The following PPFIA1 variants were observed in gnomAD, a reference collection of about 807,000 sequenced individuals.
PPFIA1 encodes PPFI scaffold protein A1, also known as liprin-alpha-1.
Under a neutral mutation model 149.9 loss-of-function variants are expected in PPFIA1, and 25 were observed. That is an observed-to-expected ratio of 0.17 (90% CI 0.12 to 0.23). PPFIA1 has a LOEUF of 0.23. Ranked by LOEUF, PPFIA1 falls within the 10% of genes least tolerant of loss-of-function variation. PPFIA1 has a pLI of 1.00. For missense variants in PPFIA1, 1,362 were observed against 1,506.5 expected, an observed-to-expected ratio of 0.90 and a Z score of 1.59; for synonymous variants, 549 against 552.8, an observed-to-expected ratio of 0.99 and a Z score of 0.10.
At chr11:70,332,715 C>T (rs1284631630) in intron 9 of PPFIA1, among the ~76,000 whole-genome samples, 2 of 152,186 alleles carry the variant, frequency 1.3e-5, no homozygotes, top group Admixed American at 1.3e-4. Flanking sequence ...ACCCAGGGAG[C>T]GCATCACCGG....
chr11:70,326,787 T>A lies in PPFIA1; in HGVS notation c.899T>A (p.Met300Lys), dbSNP rs751708592. The change falls in exon 7 of 28, where the codon ATG (methionine) becomes AAG (lysine). Residue 300 changes from methionine to lysine, a missense_variant. Met to Lys is a moderately conservative substitution (Grantham distance 95, BLOSUM62 -1). Around this residue, in one of 7 missense-constraint regions of PPFIA1, gnomAD observed 733 missense variants for 744.1 expected, o/e 0.99. Transcript: ENST00000253925. ...AAAGATCTCATCAAATCTGAAGAAA[T>A]GAACACAAAATTGCAACGAGATGTC... ...ARKDLIKSEEMNTKLQRDVRE... is the reference protein window; with the variant it reads ...ARKDLIKSEEKNTKLQRDVRE... The A allele has an allele frequency of 1.9e-6, 3 of 1,614,044 alleles. No homozygotes were observed. The highest frequency in any genetic ancestry group is 1.1e-5 in the South Asian group (1 of 91,082).
chr11:70,363,107 A>G (rs2056745950), intron 21 of PPFIA1: 1 of 152,286 alleles, frequency 6.6e-6, no homozygotes, highest in Admixed American at 6.5e-5. Flanking sequence ...TGTATTTTTA[A>G]ATGTTACTGG....
At chr11:70,283,995 T>C in intron 2 of PPFIA1, 1 of 533,756 alleles carries the variant, frequency 1.9e-6, no homozygotes, top group Non-Finnish European at 3.8e-6. Flanking sequence ...CAAAAGTACT[T>C]GCGGATTTTG....
chr11:70,349,277 A>G (rs2055906219), intron 16 of PPFIA1, among the ~76,000 whole-genome samples: 1 of 152,098 alleles, frequency 6.6e-6, no homozygotes, highest in Admixed American at 6.5e-5. Flanking sequence ...TCACCTGGAA[A>G]TGCAATGACC....
At chr11:70,297,615 G>A (rs1326498039) in intron 2 of PPFIA1, among the ~76,000 whole-genome samples, 1 of 152,124 alleles carries the variant, frequency 6.6e-6, no homozygotes, top group African/African-American at 2.4e-5. Context: ...CTAAGTCAAA[G>A]GGCTTGTTAC....
At chr11:70,366,921 A>G (rs1377214890) in intron 21 of PPFIA1, among the ~76,000 whole-genome samples, 1 of 151,800 alleles carries the variant, frequency 6.6e-6, no homozygotes, top group Non-Finnish European at 1.5e-5. Context: ...TTCTCTCTTG[A>G]TTTAAGCATT....
At chr11:70,331,871 T>C in intron 8 of PPFIA1, 89 bp from the exon 9 acceptor site, 1 of 1,404,286 alleles carries the variant, frequency 7.1e-7, no homozygotes, top group Non-Finnish European at 9.6e-7. Context: ...TCTCTTAGTC[T>C]GTATCTGCAT....
intron 2 of PPFIA1, among the ~76,000 whole-genome samples, chr11:70,274,360 G>A (rs565165716): frequency 1.3e-5 from 2 of 152,084 alleles, no homozygotes; most frequent in Admixed American, 6.5e-5. Flanking sequence ...TAACACACTT[G>A]CATACCACCA....
In PPFIA1 at chr11:70,325,553, A is replaced by G; in HGVS notation, c.585A>G (p.Glu195=). ...AAAGATGTAGTTTGTTAGAAGAGGA[A>G]TTAGGTGCCACACACAAAGAGGTAA... is the stretch of plus-strand genomic sequence containing the variant. The part of the protein sequence containing the change: ...ALERCSLLEE[E]LGATHKELMI... The change falls in exon 5 of 28, where the codon GAA becomes GAG. Residue 195 remains glutamate (E), a synonymous_variant. Coordinates refer to ENST00000253925, the MANE Select transcript of PPFIA1 (RefSeq NM_003626.5). 2 of 1,582,658 alleles carry G rather than the reference A, an allele frequency of 1.3e-6. No homozygotes were observed. The highest frequency in any genetic ancestry group is 1.1e-5 in the South Asian group (1 of 90,430).
At chr11:70,349,135 CAAAAAAAAAAA>C (rs749436919) in intron 16 of PPFIA1, among the ~76,000 whole-genome samples, 2 of 74,610 alleles carry the variant, frequency 2.7e-5, no homozygotes, top group East Asian at 4.0e-4. Context: ...CATCTACTAC[CAAAAAAAAAAA>C]AAAAAAAAAA....
chr11:70,382,281 A>T (rs749943183), intron 27 of PPFIA1, 123 bp downstream of exon 27: 12 of 622,250 alleles, frequency 1.9e-5, no homozygotes, highest in Non-Finnish European at 3.4e-5. Flanking sequence ...GGAATTTAAA[A>T]TATATATAGA....
intron 17 of PPFIA1, 60 bp from the exon 18 acceptor site, chr11:70,355,579 G>A (rs1379600531): frequency 3.4e-6 from 5 of 1,484,210 alleles, no homozygotes; most frequent in Non-Finnish European, 4.5e-6. Flanking sequence ...GTTTGCGACT[G>A]TTAATATGTG....
intron 2 of PPFIA1, among the ~76,000 whole-genome samples, chr11:70,275,159 T>C (rs2050310907): frequency 6.6e-6 from 1 of 152,310 alleles, no homozygotes; most frequent in Admixed American, 6.5e-5. Context: ...GGTAGGTGGC[T>C]CAGTATGGTC....
Position 70,383,228 on chromosome 11 carries a change from ATAGT to A in PPFIA1, c.*241_*244del, listed in dbSNP as rs1214052720. ...TGTAAACTTATGACTCTTCATTTAT[ATAGT>A]TACTTACTTTTTCATGTATATCCAG... On this transcript the variant is annotated 3_prime_UTR_variant, in exon 28 of 28. Transcript: ENST00000253925. The A allele has an allele frequency of 4.4e-5, 13 of 297,256 alleles. No homozygotes were observed. Among genetic ancestry groups the A allele is most frequent in the Non-Finnish European group, 6.3e-5 (10 of 159,590 alleles). The allele number at this position is 297,256 out of a possible 1,614,324, so 18.4% of individuals were successfully genotyped here.
At chr11:70,273,391 A>G (rs1283378497) in intron 2 of PPFIA1, among the ~76,000 whole-genome samples, 7 of 152,188 alleles carry the variant, frequency 4.6e-5, no homozygotes, top group African/African-American at 1.7e-4. Flanking sequence ...AAAGGGAGAA[A>G]GTAAAAACTA....
chr11:70,324,291 C>T, intron 2 of PPFIA1, 111 bp from the exon 3 acceptor site: 1 of 685,486 alleles, frequency 1.5e-6, no homozygotes, highest in South Asian at 2.0e-5. Flanking sequence ...GAGATCCCTT[C>T]CCCATAACTT....
At chr11:70,277,486 TTTTTTTTC>T (rs985440127) in intron 2 of PPFIA1, among the ~76,000 whole-genome samples, 1 of 152,032 alleles carries the variant, frequency 6.6e-6, no homozygotes, top group Non-Finnish European at 1.5e-5. Flanking sequence ...TTCTTGTTTT[TTTTTTTTC>T]TTTTTTTCTT....
intron 3 of PPFIA1, 55 bp from the exon 4 acceptor site, chr11:70,324,792 A>G (rs1302119925): frequency 2.1e-6 from 3 of 1,435,266 alleles, no homozygotes; most frequent in South Asian, 1.3e-5. Context: ...CCCAGATTCA[A>G]TCATGAAATT....
At chr11:70,321,547 A>T (rs1051210108) in intron 2 of PPFIA1, 3 of 152,248 alleles carry the variant, frequency 2.0e-5, no homozygotes, top group African/African-American at 7.2e-5. Flanking sequence ...GCTTAAAAAG[A>T]TAAATTAGCA....
Sources: allele counts gnomAD v4.1 joint callset (sites outside exome capture counted in the v4.1 genomes callset), GRCh38; gene constraint gnomAD v4.1.1; regional missense constraint gnomAD v4.1.1; transcripts MANE v1.5; gene names NCBI Gene and HGNC (gene_info 2026-07-23, HGNC 2026-07-21).